WASHC2A: variants seen among roughly 807,000 people sequenced by gnomAD.
WASHC2A encodes WASH complex subunit 2A.
In WASHC2A, 82 loss-of-function variants were observed where a neutral mutation model predicts 140.3. That is an observed-to-expected ratio of 0.58 (90% CI 0.49 to 0.70). WASHC2A has a LOEUF of 0.70. Among genes scored for constraint, WASHC2A ranks in the 30% least tolerant of loss-of-function variants. The pLI is 0.00. For synonymous variants in WASHC2A, 340 were observed against 560.8 expected (o/e 0.61, Z 5.56); for missense variants, 985 against 1,521.8 (o/e 0.65, Z 5.87).
chr10:50,098,100 T>C (rs1344352888), intron 16 of WASHC2A, among the ~76,000 whole-genome samples: 41 of 152,072 alleles, frequency 2.7e-4, no homozygotes, highest in African/African-American at 9.6e-4. Context: ...CATGTAGTCA[T>C]TGTGACATTC....
At chr10:50,068,485 C>G (rs1837499909) in intron 2 of WASHC2A, among the ~76,000 whole-genome samples, 1 of 151,556 alleles carries the variant, frequency 6.6e-6, no homozygotes, top group South Asian at 2.1e-4. Flanking sequence ...AGGGGAGATC[C>G]GTTTCCGCCA....
In WASHC2A at chr10:50,092,314, T is replaced by C. The variant is rs1423022146; in HGVS notation, c.1003+81T>C. 1.8e-5 allele frequency: 17 copies of C among 957,500 alleles called. No individual in the cohort carries two copies. The East Asian group carries it at 3.9e-4, about 22-fold the overall frequency. The allele number at this position is 957,500 out of a possible 1,614,324, so 59.3% of individuals were successfully genotyped here. ...GCTTACATAATTCATGAAGTACTGC[T>C]TTACATGCTGTTTTCCCTCTGACAA... On this transcript the variant is annotated intron_variant, in intron 11 of 30. Transcript: ENST00000282633.
chr10:50,113,586 TCTG>T (rs1189093979), intron 20 of WASHC2A, among the ~76,000 whole-genome samples: 2 of 151,238 alleles, frequency 1.3e-5, no homozygotes, highest in East Asian at 3.9e-4. Context: ...GAGAGAATGT[TCTG>T]CTTGGGAAGG....
chr10:50,078,863 C>T (rs1464170135), intron 4 of WASHC2A, 126 bp downstream of exon 4: 4 of 1,584,082 alleles, frequency 2.5e-6, no homozygotes, highest in Non-Finnish European at 3.5e-6. Flanking sequence ...CTCCTGACAG[C>T]AGCCCAAGAG....
At chr10:50,132,268 C>T (rs1589297799) in intron 30 of WASHC2A, among the ~76,000 whole-genome samples, 1 of 152,202 alleles carries the variant, frequency 6.6e-6, no homozygotes, top group East Asian at 1.9e-4. Context: ...AAAACCCTAG[C>T]AGTAACATTA....
chr10:50,082,497 T>TG (rs1275343394), intron 5 of WASHC2A, among the ~76,000 whole-genome samples: 2 of 142,134 alleles, frequency 1.4e-5, no homozygotes, highest in East Asian at 2.9e-4. Context: ...TTTTTTTTTT[T>TG]TTGAGACAGA....
intron 23 of WASHC2A, among the ~76,000 whole-genome samples, chr10:50,123,850 AT>A (rs1256032784): frequency 6.6e-6 from 1 of 150,384 alleles, no homozygotes; most frequent in African/African-American, 2.5e-5. Context: ...TGTTATATGA[AT>A]TTTTTTGTTA....
intron 13 of WASHC2A, 67 bp from the exon 14 acceptor site, chr10:50,095,081 C>G (rs1474984402): frequency 5.0e-6 from 8 of 1,598,420 alleles, no homozygotes; most frequent in Non-Finnish European, 6.8e-6. Flanking sequence ...GCACGTATTT[C>G]AGGAAGAAAA....
At chr10:50,087,370 G>A (rs781949536) in intron 8 of WASHC2A, 48 bp downstream of exon 8, 11 of 1,611,428 alleles carry the variant, frequency 6.8e-6, no homozygotes, top group Admixed American at 1.7e-5. Flanking sequence ...TTTAATTGAA[G>A]CATAGTATAT....
At chr10:50,100,469 G>A (rs1294362447) in intron 17 of WASHC2A, among the ~76,000 whole-genome samples, 2 of 152,208 alleles carry the variant, frequency 1.3e-5, no homozygotes, top group African/African-American at 4.8e-5. Flanking sequence ...GCGACAGAGC[G>A]AGACTTCATC....
intron 6 of WASHC2A, among the ~76,000 whole-genome samples, chr10:50,084,821 C>T (rs1468351885): frequency 6.7e-6 from 1 of 149,198 alleles, no homozygotes; most frequent in Non-Finnish European, 1.5e-5. Context: ...CTGCAACCTC[C>T]ACCTCCTGGG....
intron 19 of WASHC2A, among the ~76,000 whole-genome samples, chr10:50,108,914 A>G (rs1218261690): frequency 6.7e-6 from 1 of 149,024 alleles, no homozygotes; most frequent in South Asian, 2.1e-4. Context: ...AAAAAAAAAG[A>G]AGACCTGACG....
At position 50,105,947 on chromosome 10, in the gene WASHC2A, C is replaced by G. The variant is rs1207658417; in HGVS notation, c.1738-387C>G. On this transcript the variant is annotated intron_variant, in intron 18 of 30. Coordinates refer to ENST00000282633, the MANE Select transcript of WASHC2A (RefSeq NM_001005751.3). ...TGTTCTGGTTTCTCATTCGTGGAGA[C>G]AACAGTGTGAGTTTCTGGCTGCTGC... Among the ~76,000 whole-genome samples, 15 of 152,060 alleles carry G rather than the reference C, an allele frequency of 9.9e-5. No individual in the cohort carries two copies. In the East Asian group the frequency reaches 2.3e-3, roughly 24 times the overall value.
At chr10:50,079,698 A>G (rs1319954081) in intron 4 of WASHC2A, among the ~76,000 whole-genome samples, 1 of 152,178 alleles carries the variant, frequency 6.6e-6, no homozygotes, top group Non-Finnish European at 1.5e-5. Context: ...TGTGCCCAGC[A>G]GGTTATTTTA....
chr10:50,091,635 A>C (rs1324818212), intron 10 of WASHC2A, 117 bp downstream of exon 10: 1 of 934,692 alleles, frequency 1.1e-6, no homozygotes, highest in Admixed American at 2.8e-5. Context: ...TTTATTAGTA[A>C]TTGCTACATA....
At chr10:50,098,322 G>A (rs1840701407) in intron 16 of WASHC2A, among the ~76,000 whole-genome samples, 1 of 151,906 alleles carries the variant, frequency 6.6e-6, no homozygotes, top group Non-Finnish European at 1.5e-5. Context: ...AGTTCATACT[G>A]CAATTTCCTC....
chr10:50,069,466 G>A (rs1167490712), intron 2 of WASHC2A, 81 bp from the exon 3 acceptor site: 2 of 1,483,508 alleles, frequency 1.3e-6, no homozygotes, highest in African/African-American at 2.8e-5. Context: ...AAGGTGAAAG[G>A]AAATGGGTTC....
In WASHC2A at chr10:50,127,164, C is replaced by CA. The variant is rs1156326203; in HGVS notation, c.2817dup (p.Ser940IlefsTer7). On this transcript the variant is annotated frameshift_variant, in exon 27 of 31. Coordinates refer to ENST00000282633, the MANE Select transcript of WASHC2A (RefSeq NM_001005751.3). LOFTEE classifies it high-confidence loss of function. ...ACTGGATGTAATTTTACACAGGACT[C>CA]ATCAGGTCTCGCTCCATTTAAAACC... 40 of 1,611,970 alleles carry CA rather than the reference C, an allele frequency of 2.5e-5. No individual in the cohort carries two copies. Among genetic ancestry groups the CA allele is most frequent in the Non-Finnish European group, 3.4e-5 (40 of 1,179,884 alleles).
chr10:50,082,211 T>C (rs2669676), intron 5 of WASHC2A, among the ~76,000 whole-genome samples: 1 of 144,306 alleles, frequency 6.9e-6, no homozygotes, highest in Non-Finnish European at 1.5e-5. Context: ...GGATTTGGGG[T>C]TGTCTTCTGA....
Sources: allele counts gnomAD v4.1 joint callset (sites outside exome capture counted in the v4.1 genomes callset), GRCh38; gene constraint gnomAD v4.1.1; transcripts MANE v1.5; gene names NCBI Gene and HGNC (gene_info 2026-07-23, HGNC 2026-07-21).